Variants in LHFPL3 observed in about 807,000 individuals in gnomAD.
LHFPL3 encodes the protein LHFPL tetraspan subfamily member 3 protein.
In LHFPL3, 5 loss-of-function variants were observed where a neutral mutation model predicts 19.3. The ratio of observed to expected loss-of-function variants is 0.26; its 90% confidence interval spans 0.14 to 0.54. LHFPL3 has a LOEUF of 0.54. LHFPL3 is among the 20% of genes least tolerant of loss of function. LHFPL3 has a pLI of 0.94. For missense variants in LHFPL3, 249 were observed against 307.4 expected, an observed-to-expected ratio of 0.81 and a Z score of 1.42; for synonymous variants, 133 against 126.2, an observed-to-expected ratio of 1.05 and a Z score of -0.36.
chr7:104,888,246 G>A (rs1792186563), intron 2 of LHFPL3, among the ~76,000 whole-genome samples: 1 of 152,158 alleles, frequency 6.6e-6, no homozygotes, highest in Non-Finnish European at 1.5e-5. Flanking sequence ...ATGTATCATA[G>A]AGGCCAGGCA....
At chr7:104,595,595 A>T (rs567911969) in intron 1 of LHFPL3, among the ~76,000 whole-genome samples, 15 of 152,206 alleles carry the variant, frequency 9.9e-5, no homozygotes, top group Non-Finnish European at 1.9e-4. Flanking sequence ...CTCTCTTCAG[A>T]GCTGTCAGAC....
chr7:104,435,775 A>C (rs1340331869), intron 1 of LHFPL3, among the ~76,000 whole-genome samples: 1 of 151,644 alleles, frequency 6.6e-6, no homozygotes, highest in African/African-American at 2.4e-5. Flanking sequence ...TTCCCTCTGC[A>C]TTTGTTTCAT....
intron 1 of LHFPL3, among the ~76,000 whole-genome samples, chr7:104,596,734 T>C (rs1447321247): frequency 2.0e-5 from 3 of 152,240 alleles, no homozygotes; most frequent in Non-Finnish European, 4.4e-5. Flanking sequence ...GTAATACAAC[T>C]TAAGATTTAC....
chr7:104,377,138 A>G (rs17390895), intron 1 of LHFPL3, among the ~76,000 whole-genome samples: 51,771 of 151,960 alleles, frequency 0.34, 9,177 homozygotes, highest in Admixed American at 0.49. Flanking sequence ...AGGGGACTGG[A>G]TGCATTCTGA....
chr7:104,567,037 A>C (rs556055548), intron 1 of LHFPL3, among the ~76,000 whole-genome samples: 175 of 152,322 alleles, frequency 1.1e-3, no homozygotes, highest in Non-Finnish European at 2.2e-3. Context: ...CTTCATTTGC[A>C]AAGCTTCTTC....
intron 1 of LHFPL3, among the ~76,000 whole-genome samples, chr7:104,368,865 T>A (rs990746063): frequency 1.3e-5 from 2 of 152,238 alleles, no homozygotes; most frequent in Non-Finnish European, 2.9e-5. Context: ...ATACATATAA[T>A]ATTTAATTTG....
chr7:104,694,213 A>G (rs555026466), intron 1 of LHFPL3, among the ~76,000 whole-genome samples: 1 of 152,326 alleles, frequency 6.6e-6, no homozygotes, highest in East Asian at 1.9e-4. Flanking sequence ...GAAAATATCA[A>G]TTTACAGTGG....
chr7:104,362,879 A>C (rs2116412896), intron 1 of LHFPL3, among the ~76,000 whole-genome samples: 1 of 152,316 alleles, frequency 6.6e-6, no homozygotes, highest in South Asian at 2.1e-4. Context: ...CCTGGGTGGG[A>C]GCTACAAAAC....
intron 1 of LHFPL3, among the ~76,000 whole-genome samples, chr7:104,675,260 A>G (rs866781867): frequency 9.2e-5 from 14 of 152,260 alleles, no homozygotes; most frequent in South Asian, 8.3e-4. Context: ...AAATGCCTTT[A>G]GGCAGAGAGT....
At chr7:104,739,790 A>T (rs1464964329) in intron 2 of LHFPL3, among the ~76,000 whole-genome samples, 1 of 152,208 alleles carries the variant, frequency 6.6e-6, no homozygotes, top group African/African-American at 2.4e-5. Context: ...GAAGAAGGCA[A>T]TGTCATATCT....
At chr7:104,760,945 C>A (rs76299737) in intron 2 of LHFPL3, among the ~76,000 whole-genome samples, 1 of 150,234 alleles carries the variant, frequency 6.7e-6, no homozygotes. Flanking sequence ...AAAAAAAAAA[C>A]ATTACTTTGT....
chr7:104,450,107 A>G (rs994421601), intron 1 of LHFPL3, among the ~76,000 whole-genome samples: 3 of 152,228 alleles, frequency 2.0e-5, no homozygotes, highest in African/African-American at 7.2e-5. Context: ...CTTCTCAGAA[A>G]CATCTGTGGT....
intron 2 of LHFPL3, among the ~76,000 whole-genome samples, chr7:104,756,385 G>A (rs1794286156): frequency 6.6e-6 from 1 of 152,170 alleles, no homozygotes; most frequent in Non-Finnish European, 1.5e-5. Context: ...ACAATGAAAT[G>A]AAATTAATAT....
intron 2 of LHFPL3, among the ~76,000 whole-genome samples, chr7:104,788,151 A>T (rs901982928): frequency 2.6e-5 from 4 of 152,318 alleles, no homozygotes; most frequent in Admixed American, 2.6e-4. Context: ...CTTTATGAGG[A>T]GTACTCTCAG....
At chr7:104,568,513 T>C (rs959043574) in intron 1 of LHFPL3, among the ~76,000 whole-genome samples, 3 of 152,206 alleles carry the variant, frequency 2.0e-5, no homozygotes, top group Non-Finnish European at 4.4e-5. Context: ...AATGAATTTG[T>C]TGCACAGTTA....
chr7:104,511,538 C>A (rs1040008229), intron 1 of LHFPL3, among the ~76,000 whole-genome samples: 1 of 152,186 alleles, frequency 6.6e-6, no homozygotes, highest in Admixed American at 6.6e-5. Context: ...CAGCTTCATT[C>A]ATAATAACCA....
Position 104,645,580 on chromosome 7 carries a change from G to A in LHFPL3, c.446-91095G>A, listed in dbSNP as rs1791916481. Among the ~76,000 whole-genome samples, 3 of 148,890 alleles carry A rather than the reference G, an allele frequency of 2.0e-5. No homozygotes were observed. In the South Asian group the frequency reaches 6.4e-4, roughly 32 times the overall value. Reference sequence around the variant, plus strand: ...AAATCATGTATAAATGCAGCAAAATGTACCAAAGGTGCATGTCTAAATCTT... The same window carrying A: ...AAATCATGTATAAATGCAGCAAAATATACCAAAGGTGCATGTCTAAATCTT... On this transcript the variant is annotated intron_variant, in intron 1 of 2. Coordinates refer to ENST00000424859, the MANE Select transcript of LHFPL3 (RefSeq NM_199000.3).
At chr7:104,656,838 C>T (rs1417317935) in intron 1 of LHFPL3, among the ~76,000 whole-genome samples, 3 of 152,188 alleles carry the variant, frequency 2.0e-5, no homozygotes, top group Non-Finnish European at 4.4e-5. Flanking sequence ...TCTAATTATC[C>T]ATATGGGCAT....
chr7:104,878,209 T>C (rs887050298), intron 2 of LHFPL3, among the ~76,000 whole-genome samples: 2 of 152,004 alleles, frequency 1.3e-5, no homozygotes, highest in Non-Finnish European at 2.9e-5. Flanking sequence ...AAACAAAATG[T>C]GGTACAGGCA....
Sources: allele counts gnomAD v4.1 joint callset (sites outside exome capture counted in the v4.1 genomes callset), GRCh38; gene constraint gnomAD v4.1.1; transcripts MANE v1.5; gene names NCBI Gene and HGNC (gene_info 2026-07-23, HGNC 2026-07-21).